MCU: variants seen among roughly 807,000 people sequenced by gnomAD.
MCU encodes calcium uniporter protein, mitochondrial.
In MCU, 12 loss-of-function variants were observed where a neutral mutation model predicts 45.2. The ratio of observed to expected loss-of-function variants is 0.27; its 90% CI spans 0.17 to 0.43. MCU has a LOEUF of 0.43. Among genes scored for constraint, MCU ranks in the 20% least tolerant of loss-of-function variants. The pLI, the probability that MCU is intolerant of heterozygous loss-of-function variation, is 1.00. For missense variants in MCU, 324 were observed against 436.7 expected, an observed-to-expected ratio of 0.74 and a Z score of 2.30; for synonymous variants, 160 against 165.1, an observed-to-expected ratio of 0.97 and a Z score of 0.24.
At chr10:72,816,903 C>T (rs1440633038) in intron 1 of MCU, among the ~76,000 whole-genome samples, 1 of 152,174 alleles carries the variant, frequency 6.6e-6, no homozygotes, top group African/African-American at 2.4e-5. Context: ...TAAATAATTG[C>T]ATTTAACAAC....
At chr10:72,840,141 T>G (rs775637655) in intron 2 of MCU, among the ~76,000 whole-genome samples, 2 of 152,196 alleles carry the variant, frequency 1.3e-5, no homozygotes, top group Non-Finnish European at 2.9e-5. Flanking sequence ...CTGTACCACT[T>G]TACATTCCCA....
intron 1 of MCU, among the ~76,000 whole-genome samples, chr10:72,714,865 T>C (rs887283923): frequency 6.6e-6 from 1 of 152,180 alleles, no homozygotes; most frequent in Non-Finnish European, 1.5e-5. Flanking sequence ...AATACTTTGT[T>C]TCTGGAAAAA....
intron 1 of MCU, among the ~76,000 whole-genome samples, chr10:72,780,511 A>AGAGTGTGTGTGTGTGTGTGTGTGTGT (rs778332838): frequency 2.7e-5 from 3 of 110,584 alleles, no homozygotes; most frequent in East Asian, 7.6e-4. Flanking sequence ...TCTTTGGCTA[A>AGAGTGTGTGTGTGTGTGTGTGTGTGT]GTGTGTGTGT....
At chr10:72,825,370 T>C (rs748077809) in intron 1 of MCU, among the ~76,000 whole-genome samples, 3 of 152,234 alleles carry the variant, frequency 2.0e-5, no homozygotes, top group Non-Finnish European at 4.4e-5. Context: ...TACATAAGCA[T>C]ATTATTTATT....
In MCU at chr10:72,820,479, G is replaced by C. The variant is rs376042031; in HGVS notation, c.151-13880G>C. 6.0e-5 allele frequency among the ~76,000 whole-genome samples: 9 copies of C among 150,976 alleles called. No individual in the cohort carries two copies. The East Asian group carries it at 1.2e-3, about 19-fold the overall frequency. Reference sequence around the variant, plus strand: ...TTTGCTTTGAAAGAGAAACACAGGTGCCCTTCTGGACTTCTTCATCAGTTT... The same window carrying C: ...TTTGCTTTGAAAGAGAAACACAGGTCCCCTTCTGGACTTCTTCATCAGTTT... On this transcript the variant is annotated intron_variant, in intron 1 of 7. Transcript: ENST00000373053.
At chr10:72,808,841 T>C (rs182656386) in intron 1 of MCU, among the ~76,000 whole-genome samples, 130 of 152,202 alleles carry the variant, frequency 8.5e-4, no homozygotes, top group Non-Finnish European at 1.4e-3. Flanking sequence ...TCGTGAGAAC[T>C]CACTCACTCT....
At chr10:72,844,360 C>T (rs1025641774) in intron 2 of MCU, among the ~76,000 whole-genome samples, 1 of 151,994 alleles carries the variant, frequency 6.6e-6, no homozygotes, top group African/African-American at 2.4e-5. Context: ...GCATTCCAGC[C>T]TGGGCAACAG....
At chr10:72,749,658 G>T (rs1452780335) in intron 1 of MCU, among the ~76,000 whole-genome samples, 1 of 152,184 alleles carries the variant, frequency 6.6e-6, no homozygotes, top group Non-Finnish European at 1.5e-5. Context: ...TTGAGTGAAA[G>T]AGAGTGCTGA....
intron 1 of MCU, among the ~76,000 whole-genome samples, chr10:72,724,300 T>C (rs1843067261): frequency 6.6e-6 from 1 of 152,154 alleles, no homozygotes; most frequent in Non-Finnish European, 1.5e-5. Context: ...GGTGAAAAAA[T>C]GGTATCTCAA....
intron 1 of MCU, among the ~76,000 whole-genome samples, chr10:72,815,993 A>G (rs1844619566): frequency 6.6e-6 from 1 of 152,180 alleles, no homozygotes; most frequent in African/African-American, 2.4e-5. Flanking sequence ...AGCCTGGCCA[A>G]CATGGTGAAA....
intron 1 of MCU, among the ~76,000 whole-genome samples, chr10:72,812,665 G>A (rs757393373): frequency 6.8e-4 from 104 of 152,110 alleles, no homozygotes; most frequent in Admixed American, 3.3e-3. Flanking sequence ...TATCATGAAG[G>A]GCTGTTTTCT....
chr10:72,816,622 A>G (rs538797718), intron 1 of MCU, among the ~76,000 whole-genome samples: 141 of 152,308 alleles, frequency 9.3e-4, no homozygotes, highest in African/African-American at 3.3e-3. Context: ...TATTTAAAAA[A>G]TTAAAAATTT....
At chr10:72,708,870 G>A (rs998905653) in intron 1 of MCU, among the ~76,000 whole-genome samples, 1 of 152,108 alleles carries the variant, frequency 6.6e-6, no homozygotes, top group Non-Finnish European at 1.5e-5. Flanking sequence ...AGTAATTTGA[G>A]GCCAGGCTCA....
chr10:72,857,241 A>ACC (rs150174418), intron 2 of MCU, among the ~76,000 whole-genome samples: 26 of 148,040 alleles, frequency 1.8e-4, no homozygotes, highest in African/African-American at 6.5e-4. Context: ...TAGGGATTAA[A>ACC]CCCCCCCCTT....
intron 1 of MCU, among the ~76,000 whole-genome samples, chr10:72,802,205 G>T (rs1189334269): frequency 2.0e-5 from 3 of 152,154 alleles, no homozygotes; most frequent in Admixed American, 1.3e-4. Flanking sequence ...GGTTTGTAGT[G>T]TTCCTGAGGA....
At chr10:72,814,778 T>C (rs1365826444) in intron 1 of MCU, among the ~76,000 whole-genome samples, 1 of 152,218 alleles carries the variant, frequency 6.6e-6, no homozygotes, top group African/African-American at 2.4e-5. Flanking sequence ...AGTGAACCTT[T>C]ATTGTAGTGT....
rs1843750211 is a variant in MCU, at chr10:72,767,866, T to C, written c.151-66493T>C. On this transcript the variant is annotated intron_variant, in intron 1 of 7. Transcript: ENST00000373053. The stretch of plus-strand genomic sequence containing the variant: ...CTTATAGGAATGAAAAGGGAATGTA[T>C]GAATAGACAGGAGTTTAATTTTGGG... Among the ~76,000 whole-genome samples the C allele has an allele frequency of 1.3e-5, 2 of 152,214 alleles. 1 individual carries two copies. Among genetic ancestry groups the C allele is most frequent in the South Asian group, 4.1e-4 (2 of 4,832 alleles).
intron 1 of MCU, among the ~76,000 whole-genome samples, chr10:72,795,259 T>C (rs1265252290): frequency 1.3e-5 from 2 of 152,202 alleles, no homozygotes; most frequent in Non-Finnish European, 2.9e-5. Flanking sequence ...CTGTAAGTTT[T>C]CATCATCACC....
At chr10:72,777,978 TATC>T (rs1218270579) in intron 1 of MCU, among the ~76,000 whole-genome samples, 1 of 152,188 alleles carries the variant, frequency 6.6e-6, no homozygotes, top group Non-Finnish European at 1.5e-5. Flanking sequence ...CACAATGAGA[TATC>T]ATTTCATCCC....
Sources: allele counts gnomAD v4.1 joint callset (sites outside exome capture counted in the v4.1 genomes callset), GRCh38; gene constraint gnomAD v4.1.1; transcripts MANE v1.5; gene names NCBI Gene and HGNC (gene_info 2026-07-23, HGNC 2026-07-21).